The following RNF111 variants were observed in gnomAD, a reference collection of about 807,000 sequenced individuals.
The protein encoded by RNF111 is ring finger protein 111.
In RNF111, 17 loss-of-function variants were observed where a neutral mutation model predicts 95.1. That is an observed-to-expected ratio of 0.18 (90% CI 0.12 to 0.27). The LOEUF (loss-of-function observed/expected upper bound fraction) is 0.27. RNF111 is among the 10% of genes least tolerant of loss of function. The pLI, the probability that RNF111 is intolerant of heterozygous loss-of-function variation, is 1.00. For missense variants in RNF111, 1,189 were observed against 1,210.4 expected, an observed-to-expected ratio of 0.98 and a Z score of 0.26; for synonymous variants, 440 against 414.8, an observed-to-expected ratio of 1.06 and a Z score of -0.74.
chr15:59,012,652 G>A (rs1356540185), intron 1 of RNF111, among the ~76,000 whole-genome samples: 1 of 151,974 alleles, frequency 6.6e-6, no homozygotes, highest in Non-Finnish European at 1.5e-5. Flanking sequence ...TAATTTCTCA[G>A]TGTATACAGA....
In RNF111 at chr15:59,081,150, T is replaced by C; in HGVS notation, c.2163T>C (p.Pro721=). The change falls in exon 8 of 14, where the codon CCT becomes CCC. Residue 721 remains proline, a synonymous_variant. Coordinates refer to ENST00000348370, the MANE Select transcript of RNF111 (RefSeq NM_017610.8). The stretch of plus-strand genomic sequence containing the variant: ...TAGCCAGTACAGCTGCACCAATCCC[T>C]CAGCATCTTCCTCCTACACACCAGC... The part of the protein sequence containing the change: ...THLASTAAPI[P]QHLPPTHQPI... 1.9e-6 allele frequency: 3 copies of C among 1,614,120 alleles called. No individual in the cohort carries two copies. Among genetic ancestry groups the C allele is most frequent in the Non-Finnish European group, 2.5e-6 (3 of 1,180,020 alleles).
chr15:59,060,806 TA>T (rs1178960555), intron 5 of RNF111, among the ~76,000 whole-genome samples: 12 of 148,606 alleles, frequency 8.1e-5, no homozygotes, highest in South Asian at 4.3e-4. Context: ...TTATTATTAT[TA>T]TTTTTTTTTT....
Position 59,094,899 on chromosome 15 carries a change from GAC to G in RNF111, c.*2_*3del. 1.3e-6 allele frequency: 2 copies of G among 1,563,592 alleles called. No individual in the cohort carries two copies. The highest frequency in any genetic ancestry group is 1.8e-6 in the Non-Finnish European group (2 of 1,134,266). Reference sequence around the variant, plus strand: ...GAGGCCCAGCTGCCAAGTGAAAGTTGACACCATGTTTCAGAACTCTTGCCCTC... The same window carrying G: ...GAGGCCCAGCTGCCAAGTGAAAGTTGACCATGTTTCAGAACTCTTGCCCTC... On this transcript the variant is annotated stop_retained_variant and 3_prime_UTR_variant, in exon 14 of 14. Transcript: ENST00000348370.
At chr15:59,035,806 G>T (rs1158520171) in intron 2 of RNF111, among the ~76,000 whole-genome samples, 2 of 152,120 alleles carry the variant, frequency 1.3e-5, no homozygotes, top group African/African-American at 4.8e-5. Context: ...ACCTCTGCCT[G>T]GACTTTATTG....
Position 59,067,101 on chromosome 15 carries a change from C to A in RNF111, c.1686+18C>A. ...ATGAACAGGTATGTGGAATTTGAGT[C>A]AGTCTTTCTTTCCTGCCCCTCTTGT... On this transcript the variant is annotated intron_variant, in intron 6 of 13. Coordinates refer to ENST00000348370, the MANE Select transcript of RNF111 (RefSeq NM_017610.8). The A allele has an allele frequency of 1.3e-6, 2 of 1,599,204 alleles. No individual in the cohort carries two copies. The highest frequency in any genetic ancestry group is 2.2e-5 in the South Asian group (2 of 90,068).
intron 6 of RNF111, among the ~76,000 whole-genome samples, chr15:59,073,619 C>T (rs1229995114): frequency 2.6e-5 from 4 of 152,214 alleles, no homozygotes; most frequent in African/African-American, 4.8e-5. Context: ...GCTGTCTTCA[C>T]GACATCTGTA....
At chr15:59,094,070 T>C (rs929252547) in intron 13 of RNF111, among the ~76,000 whole-genome samples, 1 of 152,316 alleles carries the variant, frequency 6.6e-6, no homozygotes, top group South Asian at 2.1e-4. Flanking sequence ...TACCCTATCT[T>C]GCTTGGGGGC....
intron 1 of RNF111, among the ~76,000 whole-genome samples, chr15:59,022,177 T>G (rs1314246412): frequency 6.6e-6 from 1 of 152,076 alleles, no homozygotes; most frequent in African/African-American, 2.4e-5. Context: ...CTATAAAATA[T>G]TTTGGAAATA....
intron 2 of RNF111, chr15:59,050,175 C>G (rs940756536): frequency 6.6e-6 from 1 of 152,004 alleles, no homozygotes; most frequent in Non-Finnish European, 1.5e-5. Flanking sequence ...AGCGATTTTC[C>G]TGCCTCAGCC....
chr15:59,058,760 C>T, intron 5 of RNF111: 1 of 498,770 alleles, frequency 2.0e-6, no homozygotes, highest in Non-Finnish European at 3.6e-6. Flanking sequence ...AGTATTATAG[C>T]TCAAATAAGA....
In RNF111 at chr15:59,041,960, TA is replaced by T. The variant is rs1250391351; in HGVS notation, c.880+10259del. ...TCTTTTCCTGTGATCAGTCTGTTCA[TA>T]TTTTTTTTTTTTTTTTTTGCCTGTT... On this transcript the variant is annotated intron_variant, in intron 2 of 13. Transcript: ENST00000348370. Among the ~76,000 whole-genome samples the T allele has an allele frequency of 1.7e-3, 229 of 133,474 alleles. 3 individuals are homozygous for T. Among genetic ancestry groups the T allele is most frequent in the Admixed American group, 2.9e-3 (37 of 12,854 alleles). 87.6% of individuals were successfully genotyped at this position (133,474 alleles called of 152,430 possible).
At chr15:59,068,048 C>G (rs1012853399) in intron 6 of RNF111, among the ~76,000 whole-genome samples, 26 of 152,124 alleles carry the variant, frequency 1.7e-4, no homozygotes, top group African/African-American at 5.6e-4. Flanking sequence ...GCGTTCCATG[C>G]TACTTTAACT....
intron 1 of RNF111, among the ~76,000 whole-genome samples, chr15:58,999,624 C>T (rs2039237486): frequency 6.6e-6 from 1 of 152,214 alleles, no homozygotes; most frequent in African/African-American, 2.4e-5. Context: ...GTGTCAGCCA[C>T]TGTGCCCGGC....
intron 6 of RNF111, among the ~76,000 whole-genome samples, chr15:59,069,446 T>C (rs555072812): frequency 6.6e-6 from 1 of 152,352 alleles, no homozygotes; most frequent in East Asian, 1.9e-4. Flanking sequence ...ATTTTGTTAT[T>C]AATAAAATAA....
chr15:59,027,478 A>T (rs1451055221), intron 1 of RNF111, among the ~76,000 whole-genome samples: 4 of 151,890 alleles, frequency 2.6e-5, no homozygotes, highest in Non-Finnish European at 5.9e-5. Context: ...CACCACAATC[A>T]GTTGTAGAAC....
chr15:58,994,681 T>G (rs539237257), intron 1 of RNF111, among the ~76,000 whole-genome samples: 13 of 152,210 alleles, frequency 8.5e-5, no homozygotes, highest in African/African-American at 3.1e-4. Context: ...TTTCACCCTC[T>G]TGGCCAGGCT....
intron 1 of RNF111, among the ~76,000 whole-genome samples, chr15:59,010,692 A>G (rs1380561235): frequency 6.6e-6 from 1 of 152,102 alleles, no homozygotes; most frequent in Non-Finnish European, 1.5e-5. Flanking sequence ...ATAAGCCACC[A>G]CATCTGACCT....
chr15:59,060,187 C>A (rs1210519224), intron 5 of RNF111, among the ~76,000 whole-genome samples: 1 of 152,038 alleles, frequency 6.6e-6, no homozygotes, highest in Non-Finnish European at 1.5e-5. Context: ...CTTTTAAAAA[C>A]ATTCTCTGAA....
intron 2 of RNF111, among the ~76,000 whole-genome samples, chr15:59,038,015 A>G (rs1304268825): frequency 3.3e-5 from 5 of 152,212 alleles, no homozygotes; most frequent in African/African-American, 4.8e-5. Flanking sequence ...TAAAATAGTC[A>G]TATGTCTTAT....
Sources: allele counts gnomAD v4.1 joint callset (sites outside exome capture counted in the v4.1 genomes callset), GRCh38; gene constraint gnomAD v4.1.1; transcripts MANE v1.5; gene names NCBI Gene and HGNC (gene_info 2026-07-23, HGNC 2026-07-21).